NPR3: variants seen among roughly 807,000 people sequenced by gnomAD.
NPR3 encodes the protein natriuretic peptide receptor 3, also known as atrial natriuretic peptide receptor 3.
In NPR3, 34 loss-of-function variants were observed where a neutral mutation model predicts 54.5. That is an observed-to-expected ratio of 0.62 (90% CI 0.47 to 0.83). The LOEUF (loss-of-function observed/expected upper bound fraction) is 0.83, where lower values mean the gene tolerates loss of function less well. Among genes scored for constraint, NPR3 ranks in the 40% least tolerant of loss-of-function variants. The pLI, the probability that NPR3 is intolerant of heterozygous loss-of-function variation, is 0.00. For synonymous variants in NPR3, 289 were observed against 297.1 expected, an observed-to-expected ratio of 0.97 and a Z score of 0.28; for missense variants, 674 against 720.8, an observed-to-expected ratio of 0.94 and a Z score of 0.74.
At position 32,771,490 on chromosome 5, in the gene NPR3, C is replaced by G. The variant is rs190281473; in HGVS notation, c.1060-3218C>G. On this transcript the variant is annotated intron_variant, in intron 3 of 7. Transcript: ENST00000265074. ...TGTTCTCCACCACGTAATCTTTCTT[C>G]CTATCCTGGATTGTAGCGGGGGCAG... Among the ~76,000 whole-genome samples the G allele has an allele frequency of 2.8e-4, 42 of 152,296 alleles. No homozygotes were observed. The East Asian group carries it at 3.7e-3, about 13-fold the overall frequency.
intron 2 of NPR3, among the ~76,000 whole-genome samples, chr5:32,733,797 C>T (rs895485210): frequency 6.6e-6 from 1 of 152,042 alleles, no homozygotes; most frequent in South Asian, 2.1e-4. Flanking sequence ...ATATTTTTTC[C>T]TCTTCTACAT....
intron 4 of NPR3, among the ~76,000 whole-genome samples, chr5:32,776,091 A>T (rs925640799): frequency 5.9e-5 from 9 of 152,202 alleles, no homozygotes; most frequent in African/African-American, 2.2e-4. Context: ...CTGTGTATAA[A>T]TATTTTAAGC....
chr5:32,713,092 A>T, intron 1 of NPR3: 1 of 800,694 alleles, frequency 1.2e-6, no homozygotes. Flanking sequence ...TTGTTGACTC[A>T]CTCTTCTCAT....
chr5:32,710,859 G>GTTTTTTTTTTTTTTGTTT (rs1738174904), upstream of NPR3: 1 of 897,928 alleles, frequency 1.1e-6, no homozygotes, highest in Admixed American at 4.3e-5. Context: ...CCCAGTCCTG[G>GTTTTTTTTTTTTTTGTTT]TTTTTTTTTT....
At chr5:32,771,838 A>T (rs1252755445) in intron 3 of NPR3, among the ~76,000 whole-genome samples, 1 of 152,136 alleles carries the variant, frequency 6.6e-6, no homozygotes, top group South Asian at 2.1e-4. Flanking sequence ...AGGGAATTTG[A>T]TCAGAGCTTT....
At chr5:32,738,779 C>T (rs925965422) in intron 2 of NPR3, 85 bp from the exon 3 acceptor site, 137 of 1,214,496 alleles carry the variant, frequency 1.1e-4, no homozygotes, top group Non-Finnish European at 1.5e-4. Flanking sequence ...AAGTAACATG[C>T]GGGGGCGCCT....
At chr5:32,779,859 GA>G (rs1180444805) in intron 4 of NPR3, among the ~76,000 whole-genome samples, 1 of 152,196 alleles carries the variant, frequency 6.6e-6, no homozygotes, top group Non-Finnish European at 1.5e-5. Flanking sequence ...TAAATGTGCT[GA>G]AAGTGCTTTA....
At chr5:32,758,087 G>A (rs1579666203) in intron 3 of NPR3, among the ~76,000 whole-genome samples, 1 of 152,100 alleles carries the variant, frequency 6.6e-6, no homozygotes, top group Non-Finnish European at 1.5e-5. Flanking sequence ...CTTCTGCCAG[G>A]CTTTGGTATC....
intron 5 of NPR3, among the ~76,000 whole-genome samples, 190 bp downstream of exon 5, chr5:32,781,006 G>C (rs1370555864): frequency 6.6e-6 from 1 of 152,154 alleles, no homozygotes; most frequent in Non-Finnish European, 1.5e-5. Flanking sequence ...TTCTAAATGA[G>C]GAAATCCTAC....
At chr5:32,784,651 G>C in intron 6 of NPR3, 145 bp from the exon 7 acceptor site, 2 of 632,454 alleles carry the variant, frequency 3.2e-6, no homozygotes, top group Middle Eastern at 2.6e-4. Flanking sequence ...CAAAAAACAA[G>C]TGTAGGGTCC....
chr5:32,728,027 C>A (rs560782593), intron 2 of NPR3, among the ~76,000 whole-genome samples: 23 of 152,262 alleles, frequency 1.5e-4, no homozygotes, highest in African/African-American at 5.1e-4. Flanking sequence ...TCTCTTAATA[C>A]ATTTTAAAAT....
At chr5:32,744,026 C>T (rs930541483) in intron 3 of NPR3, among the ~76,000 whole-genome samples, 5 of 123,726 alleles carry the variant, frequency 4.0e-5, no homozygotes, top group Middle Eastern at 6.8e-3. Context: ...CAGAGTCTTG[C>T]TCTGTCGCCA....
At chr5:32,728,835 G>GTA (rs1226669792) in intron 2 of NPR3, among the ~76,000 whole-genome samples, 4,698 of 59,726 alleles carry the variant, frequency 0.079, 261 homozygotes, top group Non-Finnish European at 0.11. Flanking sequence ...GTGTGTGTGT[G>GTA]TGTATATATA....
At chr5:32,700,034 G>A (rs1398414783) in intron 1 of NPR3, among the ~76,000 whole-genome samples, 1 of 152,208 alleles carries the variant, frequency 6.6e-6, no homozygotes, top group Non-Finnish European at 1.5e-5. Flanking sequence ...CTCCTGGCCT[G>A]TAAGGTTTCT....
chr5:32,733,148 G>A (rs1222678921), intron 2 of NPR3, among the ~76,000 whole-genome samples: 1 of 151,832 alleles, frequency 6.6e-6, no homozygotes, highest in Non-Finnish European at 1.5e-5. Context: ...CCCGGCCAAG[G>A]CATCTAATTT....
chr5:32,716,666 T>C (rs911656846), intron 1 of NPR3: 6 of 173,332 alleles, frequency 3.5e-5, no homozygotes, highest in South Asian at 1.3e-4. Context: ...AGTATAAATA[T>C]TATCATTACT....
intron 2 of NPR3, among the ~76,000 whole-genome samples, chr5:32,731,803 G>A (rs1451893672): frequency 2.0e-5 from 3 of 152,134 alleles, no homozygotes; most frequent in Admixed American, 6.5e-5. Flanking sequence ...TCCAGTTGTA[G>A]TGATTTTAAA....
At chr5:32,759,215 C>T (rs1741016720) in intron 3 of NPR3, among the ~76,000 whole-genome samples, 1 of 152,076 alleles carries the variant, frequency 6.6e-6, no homozygotes, top group Non-Finnish European at 1.5e-5. Context: ...GTTAAAGTTT[C>T]CCATTATTAT....
chr5:32,698,866 G>A (rs1740599116), intron 1 of NPR3, among the ~76,000 whole-genome samples: 1 of 149,114 alleles, frequency 6.7e-6, no homozygotes, highest in Non-Finnish European at 1.5e-5. Flanking sequence ...TGTCTTTAGA[G>A]GCAAAGTGTG....
Sources: gnomAD v4.1 joint callset for allele counts (sites outside exome capture counted in the v4.1 genomes callset) on GRCh38, gnomAD v4.1.1 for gene constraint, MANE v1.5 for transcripts, NCBI Gene and HGNC (gene_info 2026-07-23, HGNC 2026-07-21) for gene names.